CRCP: variants seen among roughly 807,000 people sequenced by gnomAD.
CRCP encodes DNA-directed RNA polymerase III subunit RPC9.
CRCP carries 18 observed loss-of-function variants against 18.5 expected under a neutral mutation model. The observed-to-expected ratio is 0.97, with a 90% CI of 0.67 to 1.44. The LOEUF is 1.44. Among genes scored for constraint, CRCP ranks in the 40% most tolerant of loss-of-function variants. The pLI, the probability that CRCP is intolerant of heterozygous loss-of-function variation, is 0.00. For missense variants in CRCP, 130 were observed against 176.4 expected, an observed-to-expected ratio of 0.74 and a Z score of 1.49; for synonymous variants, 53 against 62.9, an observed-to-expected ratio of 0.84 and a Z score of 0.75.
At chr7:66,144,627 G>C (rs1245904519) in intron 4 of CRCP, among the ~76,000 whole-genome samples, 1 of 152,006 alleles carries the variant, frequency 6.6e-6, no homozygotes, top group Non-Finnish European at 1.5e-5. Flanking sequence ...GACTACAGGC[G>C]CAACCCATCA....
intron 4 of CRCP, among the ~76,000 whole-genome samples, chr7:66,134,662 G>A (rs1413802547): frequency 6.6e-6 from 1 of 151,902 alleles, no homozygotes; most frequent in African/African-American, 2.4e-5. Context: ...AAAAAAGACG[G>A]GTGAGGGGAA....
chr7:66,139,047 G>C (rs1406552506), intron 4 of CRCP, among the ~76,000 whole-genome samples: 2 of 152,064 alleles, frequency 1.3e-5, no homozygotes, highest in Admixed American at 6.6e-5. Flanking sequence ...TGATACTGCT[G>C]TACAGGTCTT....
chr7:66,131,350 G>A (rs115323181), intron 3 of CRCP, among the ~76,000 whole-genome samples: 1,916 of 152,268 alleles, frequency 0.013, 38 homozygotes, highest in African/African-American at 0.043. Context: ...CAGCTACAAA[G>A]TTAGAAGGAA....
chr7:66,137,071 C>T (rs1377450712), intron 4 of CRCP, among the ~76,000 whole-genome samples: 2 of 151,324 alleles, frequency 1.3e-5, no homozygotes, highest in African/African-American at 2.4e-5. Context: ...CAGAGCGAGA[C>T]TGTCTCAAAA....
intron 1 of CRCP, among the ~76,000 whole-genome samples, chr7:66,127,347 T>G (rs1307560636): frequency 1.3e-5 from 2 of 152,222 alleles, no homozygotes; most frequent in African/African-American, 2.4e-5. Flanking sequence ...TTTGGCAGGA[T>G]ACTTGCCCAT....
intron 2 of CRCP, chr7:66,130,267 G>C (rs1378431558): frequency 4.6e-6 from 1 of 219,626 alleles, no homozygotes; most frequent in Non-Finnish European, 9.2e-6. Context: ...ACCATGTCCA[G>C]CTAATTTTTT....
At chr7:66,139,505 C>T (rs1788071051) in intron 4 of CRCP, among the ~76,000 whole-genome samples, 2 of 152,120 alleles carry the variant, frequency 1.3e-5, no homozygotes. Context: ...GTCGTATTTT[C>T]GTGGTCGAGG....
rs1788530522 is a variant in CRCP at position 66,153,471 on chromosome 7, T to G, written c.*1114T>G. On this transcript the variant is annotated 3_prime_UTR_variant, in exon 6 of 6. Coordinates refer to ENST00000395326, the MANE Select transcript of CRCP (RefSeq NM_014478.5). ...AGAAAATATTAAGATGATTACCATGTGAAAACCTTTTTAATATTCAGGATT... is the reference window on the plus strand; with the variant it reads ...AGAAAATATTAAGATGATTACCATGGGAAAACCTTTTTAATATTCAGGATT... 6.6e-6 allele frequency: 1 copy of G among 152,102 alleles called. No individual in the cohort carries two copies. Among genetic ancestry groups the G allele is most frequent in the Non-Finnish European group, 1.5e-5 (1 of 68,024 alleles). The allele number at this position is 152,102 out of a possible 1,614,324, so 9.4% of individuals were successfully genotyped here. A position where few individuals can be genotyped will look rare whatever the true frequency, so the allele number is the denominator to read the frequency against.
At chr7:66,143,292 C>T (rs1788193007) in intron 4 of CRCP, among the ~76,000 whole-genome samples, 2 of 152,234 alleles carry the variant, frequency 1.3e-5, no homozygotes, top group Admixed American at 1.3e-4. Flanking sequence ...TCGCTGCCAG[C>T]ACCAGCCAGA....
rs1054249600 is a variant in CRCP at position 66,150,351 on chromosome 7, A to G, written c.298-1857A>G. ...ATTGCACTCCAGCCTGGGCAACAAG[A>G]GTGAAGGGGGGGAGTTGAAGATTGT... On this transcript the variant is annotated intron_variant, in intron 5 of 5. Transcript: ENST00000395326. Among the ~76,000 whole-genome samples, 51 of 144,374 alleles carry G rather than the reference A, an allele frequency of 3.5e-4. 1 individual carries two copies. The highest frequency in any genetic ancestry group is 1.4e-4 in the Admixed American group (2 of 13,992). 94.7% of individuals were successfully genotyped at this position (144,374 alleles called of 152,430 possible). A position where few individuals can be genotyped will look rare whatever the true frequency, so the allele number is the denominator to read the frequency against.
intron 3 of CRCP, 48 bp downstream of exon 3, chr7:66,130,890 G>A: frequency 9.8e-7 from 1 of 1,020,348 alleles, no homozygotes; most frequent in Non-Finnish European, 1.5e-6. Context: ...ATTGAGGGAG[G>A]GGGGTTTATT....
At chr7:66,126,836 GTC>G (rs1787630963) in intron 1 of CRCP, among the ~76,000 whole-genome samples, 2 of 149,276 alleles carry the variant, frequency 1.3e-5, no homozygotes, top group Admixed American at 6.7e-5. Flanking sequence ...CCTGTGAACA[GTC>G]TTACAAGGTT....
chr7:66,141,214 G>C (rs1788126426), intron 4 of CRCP, among the ~76,000 whole-genome samples: 1 of 152,086 alleles, frequency 6.6e-6, no homozygotes, highest in Non-Finnish European at 1.5e-5. Flanking sequence ...ATATTTGTGA[G>C]CATAACACAT....
intron 2 of CRCP, among the ~76,000 whole-genome samples, chr7:66,129,488 C>T (rs903998898): frequency 6.6e-6 from 1 of 151,860 alleles, no homozygotes; most frequent in African/African-American, 2.4e-5. Context: ...CTTTTGAGAC[C>T]GTGTCCCCAA....
chr7:66,135,972 C>T (rs1196060432), intron 4 of CRCP, among the ~76,000 whole-genome samples: 1 of 151,972 alleles, frequency 6.6e-6, no homozygotes, highest in Non-Finnish European at 1.5e-5. Context: ...TGACATATCG[C>T]ATCAACCCCA....
chr7:66,148,533 T>G (rs1788365649), intron 5 of CRCP, among the ~76,000 whole-genome samples: 1 of 152,200 alleles, frequency 6.6e-6, no homozygotes, highest in Non-Finnish European at 1.5e-5. Context: ...AGGTGTCTTT[T>G]GGAGGCTGAA....
chr7:66,127,942 C>T (rs959308109), intron 2 of CRCP, among the ~76,000 whole-genome samples: 1 of 151,882 alleles, frequency 6.6e-6, no homozygotes, highest in African/African-American at 2.4e-5. Context: ...GAAACCCAGT[C>T]TCTACTAAAA....
At chr7:66,130,922 A>G in intron 3 of CRCP, 80 bp downstream of exon 3, 4 of 811,752 alleles carry the variant, frequency 4.9e-6, no homozygotes, top group Non-Finnish European at 8.4e-6. Flanking sequence ...TGGCAGCTGA[A>G]ATTAAGATTG....
rs535392233 is a variant in CRCP at position 66,146,583 on chromosome 7, G to A, written c.297+1083G>A. ...TATGGAAGAAAATGGTCAAAAATAC[G>A]ATTTTTAGAGTTGCTAATGGAAAAA... On this transcript the variant is annotated intron_variant, in intron 5 of 5. Coordinates refer to ENST00000395326, the MANE Select transcript of CRCP (RefSeq NM_014478.5). 2.2e-3 allele frequency among the ~76,000 whole-genome samples: 329 copies of A among 152,226 alleles called. 2 individuals are homozygous for A. Among genetic ancestry groups the A allele is most frequent in the African/African-American group, 7.7e-3 (319 of 41,536 alleles).
Sources: allele counts gnomAD v4.1 joint callset (sites outside exome capture counted in the v4.1 genomes callset), GRCh38; gene constraint gnomAD v4.1.1; transcripts MANE v1.5; gene names NCBI Gene and HGNC (gene_info 2026-07-23, HGNC 2026-07-21).